The following EPS15 variants were observed in gnomAD, a reference collection of about 807,000 sequenced individuals.
EPS15 encodes the protein epidermal growth factor receptor substrate 15.
In EPS15, 72 loss-of-function variants were observed where a neutral mutation model predicts 113.8. The ratio of observed to expected loss-of-function variants is 0.63; its 90% CI spans 0.52 to 0.77. The LOEUF (loss-of-function observed/expected upper bound fraction) is 0.77. Ranked by LOEUF, EPS15 falls within the 30% of genes least tolerant of loss-of-function variation. The pLI, the probability that EPS15 is intolerant of heterozygous loss-of-function variation, is 0.00. For synonymous variants in EPS15, 344 were observed against 363.4 expected, an observed-to-expected ratio of 0.95 and a Z score of 0.61; for missense variants, 1,048 against 1,045.8, an observed-to-expected ratio of 1.00 and a Z score of -0.03.
chr1:51,408,030 C>T, intron 15 of EPS15, 105 bp downstream of exon 15: 1 of 950,120 alleles, frequency 1.1e-6, no homozygotes, highest in Non-Finnish European at 1.7e-6. Flanking sequence ...GAAAAATGAA[C>T]AGTAAACTAG....
At chr1:51,422,648 C>T (rs1320112022) in intron 12 of EPS15, among the ~76,000 whole-genome samples, 1 of 152,212 alleles carries the variant, frequency 6.6e-6, no homozygotes, top group African/African-American at 2.4e-5. Flanking sequence ...TTCAGAATTG[C>T]AAAATAAAGC....
intron 12 of EPS15, among the ~76,000 whole-genome samples, chr1:51,422,704 T>C (rs79829963): frequency 0.044 from 6,758 of 152,354 alleles, 230 homozygotes; most frequent in Middle Eastern, 0.11. Flanking sequence ...GTAGTTGTAC[T>C]GAAATCATGC....
chr1:51,407,338 C>A (rs1649224204), intron 15 of EPS15, among the ~76,000 whole-genome samples: 1 of 152,128 alleles, frequency 6.6e-6, no homozygotes, highest in Admixed American at 6.6e-5. Flanking sequence ...GCTGGAATTA[C>A]AGGCAGGTAC....
At chr1:51,514,825 T>A (rs537707681) in intron 1 of EPS15, among the ~76,000 whole-genome samples, 9 of 152,316 alleles carry the variant, frequency 5.9e-5, no homozygotes, top group Middle Eastern at 6.8e-3. Context: ...GGGTTAGATA[T>A]CTCTCTCAAG....
At chr1:51,446,198 C>A (rs965673718) in intron 10 of EPS15, among the ~76,000 whole-genome samples, 18 of 152,154 alleles carry the variant, frequency 1.2e-4, no homozygotes, top group African/African-American at 3.4e-4. Context: ...TTTTCATATA[C>A]ATTATCTCAT....
chr1:51,498,047 C>T (rs1279830384), intron 1 of EPS15, among the ~76,000 whole-genome samples: 1 of 151,488 alleles, frequency 6.6e-6, no homozygotes, highest in African/African-American at 2.4e-5. Context: ...CATACAGATT[C>T]ATAATTAGGA....
intron 8 of EPS15, among the ~76,000 whole-genome samples, chr1:51,455,176 T>C (rs1034405863): frequency 2.0e-5 from 3 of 152,210 alleles, no homozygotes; most frequent in Admixed American, 6.5e-5. Flanking sequence ...AATAGGACTA[T>C]ACACTTGCAG....
intron 12 of EPS15, among the ~76,000 whole-genome samples, chr1:51,431,900 A>G (rs1651767397): frequency 6.6e-6 from 1 of 152,224 alleles, no homozygotes; most frequent in Admixed American, 6.5e-5. Flanking sequence ...GATGGGCAGG[A>G]TTAATTTATG....
At chr1:51,465,427 T>A (rs1359412924) in intron 5 of EPS15, 101 bp from the exon 6 acceptor site, 1 of 660,802 alleles carries the variant, frequency 1.5e-6, no homozygotes, top group Admixed American at 2.6e-5. Flanking sequence ...CACAAAATGC[T>A]GGATCTCAAT....
chr1:51,384,856 C>A (rs1647027122), intron 21 of EPS15, among the ~76,000 whole-genome samples: 3 of 152,136 alleles, frequency 2.0e-5, no homozygotes, highest in Admixed American at 2.0e-4. Flanking sequence ...AAAGGACGGT[C>A]TTCACAAGAA....
chr1:51,408,008 T>C (rs572395869), intron 15 of EPS15, 127 bp downstream of exon 15: 5 of 783,108 alleles, frequency 6.4e-6, no homozygotes, highest in East Asian at 2.5e-5. Context: ...AAACCTATTG[T>C]ATAAAATGAC....
intron 13 of EPS15, among the ~76,000 whole-genome samples, chr1:51,415,991 T>C (rs1316398694): frequency 2.0e-5 from 3 of 151,966 alleles, no homozygotes; most frequent in African/African-American, 7.2e-5. Context: ...ACAATGCAAT[T>C]TCAATATCAA....
chr1:51,444,950 T>A lies in EPS15; in HGVS notation c.893A>T (p.Asp298Val). Residue 298 changes from aspartate (D) to valine (V), a missense_variant, in exon 11 of 25, where the codon GAT (aspartate) becomes GTT (valine). By Grantham distance (152) the Asp-to-Val change is radical (BLOSUM62 -3). Transcript: ENST00000371733. ...LISQKLIKGI[D>V]PPHVLTPEMI... is the part of the protein sequence containing the mutation. ...TTCAGGAGTAAGAACGTGAGGAGGA[T>A]CAATGCCCTTGATTAACTTCTGACT... 1 of 1,613,998 alleles carries A rather than the reference T, an allele frequency of 6.2e-7. No homozygotes were observed. Among genetic ancestry groups the A allele is most frequent in the Non-Finnish European group, 8.5e-7 (1 of 1,179,920 alleles).
intron 2 of EPS15, among the ~76,000 whole-genome samples, chr1:51,475,508 C>T (rs1013963415): frequency 2.4e-4 from 37 of 152,138 alleles, no homozygotes; most frequent in African/African-American, 8.7e-4. Flanking sequence ...TATCCTTCGC[C>T]TACTTTTTGA....
At chr1:51,376,805 G>T (rs1043075841) in intron 21 of EPS15, among the ~76,000 whole-genome samples, 1 of 152,214 alleles carries the variant, frequency 6.6e-6, no homozygotes, top group African/African-American at 2.4e-5. Context: ...CAGCCAGGCA[G>T]TAATTCTTGC....
chr1:51,359,970 ACAG>A (rs1262678797), intron 24 of EPS15, among the ~76,000 whole-genome samples: 24 of 151,944 alleles, frequency 1.6e-4, no homozygotes, highest in African/African-American at 5.6e-4. Context: ...TGGCATGATC[ACAG>A]CTCACTGCAA....
intron 2 of EPS15, among the ~76,000 whole-genome samples, chr1:51,480,599 C>T (rs573467262): frequency 2.0e-5 from 3 of 152,280 alleles, no homozygotes; most frequent in Admixed American, 6.5e-5. Flanking sequence ...ACTGTAACCT[C>T]GCCTCCCAGG....
Position 51,430,772 on chromosome 1 carries a change from T to C in EPS15, c.1041-8914A>G, listed in dbSNP as rs777852468. Among the ~76,000 whole-genome samples, 21 of 151,992 alleles carry C rather than the reference T, an allele frequency of 1.4e-4. No homozygotes were observed. The South Asian group carries it at 3.7e-3, about 27-fold the overall frequency. Reference sequence around the variant, plus strand: ...GAGTTTGAGACCATGCTGGGCAACATAGTGACACCCACATCTCTATAAAAT... The same window carrying C: ...GAGTTTGAGACCATGCTGGGCAACACAGTGACACCCACATCTCTATAAAAT... On this transcript the variant is annotated intron_variant, in intron 12 of 24. Transcript: ENST00000371733.
intron 8 of EPS15, among the ~76,000 whole-genome samples, chr1:51,448,578 T>A (rs1251998402): frequency 1.3e-5 from 2 of 152,164 alleles, no homozygotes; most frequent in African/African-American, 2.4e-5. Flanking sequence ...ATAAAAAAAA[T>A]GCCCAATCTC....
Sources: gnomAD v4.1 joint callset for allele counts (sites outside exome capture counted in the v4.1 genomes callset) on GRCh38, gnomAD v4.1.1 for gene constraint, MANE v1.5 for transcripts, NCBI Gene and HGNC (gene_info 2026-07-23, HGNC 2026-07-21) for gene names.